KIRREL3: variants seen among roughly 807,000 people sequenced by gnomAD.
KIRREL3 encodes the protein kin of IRRE-like protein 3.
KIRREL3 carries 36 observed loss-of-function variants against 89.7 expected under a neutral mutation model. The observed-to-expected ratio is 0.40, with a 90% CI of 0.31 to 0.53. KIRREL3 has a LOEUF of 0.53. KIRREL3 is among the 20% of genes least tolerant of loss of function. KIRREL3 has a pLI of 0.49. For synonymous variants in KIRREL3, 445 were observed against 441.4 expected, an observed-to-expected ratio of 1.01 and a Z score of -0.10; for missense variants, 864 against 1,056.6, an observed-to-expected ratio of 0.82 and a Z score of 2.53.
chr11:126,712,559 C>A (rs1381745958), intron 1 of KIRREL3, among the ~76,000 whole-genome samples: 1 of 152,210 alleles, frequency 6.6e-6, no homozygotes, highest in Non-Finnish European at 1.5e-5. Context: ...GTCTATATTG[C>A]CACCTCATTC....
chr11:126,615,175 C>T lies in KIRREL3; in HGVS notation c.56-52263G>A, dbSNP rs1454904069. Among the ~76,000 whole-genome samples the T allele has an allele frequency of 2.0e-5, 3 of 152,060 alleles. No homozygotes were observed. The highest frequency in any genetic ancestry group is 2.9e-5 in the Non-Finnish European group (2 of 68,018). On this transcript the variant is annotated intron_variant, in intron 1 of 16. Coordinates refer to ENST00000525144, the MANE Select transcript of KIRREL3 (RefSeq NM_032531.4). The surrounding 1 kb of genome is among the most constrained non-coding windows in gnomAD (Gnocchi z 5.4). The stretch of plus-strand genomic sequence containing the variant: ...ATGTAGAGCTGTGCTTCATATTCCC[C>T]GTGCATACCTCTGCCTTAGCACCTG...
intron 1 of KIRREL3, among the ~76,000 whole-genome samples, chr11:126,840,690 C>T (rs1943936841): frequency 6.6e-6 from 1 of 152,214 alleles, no homozygotes; most frequent in Non-Finnish European, 1.5e-5. Flanking sequence ...CCATCCTGCT[C>T]AGACCTTGAA....
At chr11:126,960,314 G>A (rs1390197698) in intron 1 of KIRREL3, among the ~76,000 whole-genome samples, 1 of 152,150 alleles carries the variant, frequency 6.6e-6, no homozygotes, top group Non-Finnish European at 1.5e-5. Flanking sequence ...CATGGGATAG[G>A]ACAAACTCTG....
chr11:126,542,813 A>G (rs1029318593), intron 2 of KIRREL3, among the ~76,000 whole-genome samples: 4 of 152,234 alleles, frequency 2.6e-5, no homozygotes, highest in Admixed American at 2.6e-4. Flanking sequence ...TTTGCCAGGA[A>G]TGGGGACAAT....
At chr11:126,693,701 T>C (rs1210409812) in intron 1 of KIRREL3, among the ~76,000 whole-genome samples, 1 of 152,090 alleles carries the variant, frequency 6.6e-6, no homozygotes, top group East Asian at 1.9e-4. Context: ...CCACCAGTGA[T>C]AGCGTATGTA....
chr11:126,460,080 CA>C (rs1956493588), intron 6 of KIRREL3, among the ~76,000 whole-genome samples: 2 of 124,918 alleles, frequency 1.6e-5, no homozygotes. Context: ...ACTGAATGAA[CA>C]AATGAATAAA....
chr11:126,450,882 TGTGCATGTGCGTGTGTGCATG>T (rs1341622885), intron 7 of KIRREL3, among the ~76,000 whole-genome samples: 39 of 148,550 alleles, frequency 2.6e-4, no homozygotes, highest in African/African-American at 9.8e-4. Context: ...TGTGTGCATG[TGTGCATGTGCGTGTGTGCATG>T]TGCGTGTGTG....
At chr11:126,649,098 A>T (rs922006522) in intron 1 of KIRREL3, among the ~76,000 whole-genome samples, 1 of 152,216 alleles carries the variant, frequency 6.6e-6, no homozygotes, top group Non-Finnish European at 1.5e-5. Flanking sequence ...TGATATAACC[A>T]TCAGATCTTG....
intron 7 of KIRREL3, among the ~76,000 whole-genome samples, chr11:126,450,852 CATGTGCACGTGT>C (rs1956054948): frequency 1.5e-5 from 2 of 137,550 alleles, no homozygotes; most frequent in African/African-American, 2.8e-5. Flanking sequence ...GATGTGTGAG[CATGTGCACGTGT>C]GTGTGCATGT....
rs538467639 is a variant in KIRREL3, at chr11:126,443,608, G to T, written c.1252+1371C>A. 6.6e-6 allele frequency among the ~76,000 whole-genome samples: 1 copy of T among 152,100 alleles called. No homozygotes were observed. Among genetic ancestry groups the T allele is most frequent in the Admixed American group, 6.5e-5 (1 of 15,290 alleles). On this transcript the variant is annotated intron_variant, in intron 10 of 16. Transcript: ENST00000525144. This position sits in a 1 kb window ranked among gnomAD's most constrained non-coding sequence, Gnocchi z 7.3. Reference sequence around the variant, plus strand: ...GGGGGGAGAGGAATGGAAATGCGGGGCAGTGTGGGGGGAGCTGGTGAATGG... The same window carrying T: ...GGGGGGAGAGGAATGGAAATGCGGGTCAGTGTGGGGGGAGCTGGTGAATGG...
In KIRREL3 at chr11:126,989,080, T is replaced by C. The variant is rs1237163084; in HGVS notation, c.55+11375A>G. Among the ~76,000 whole-genome samples the C allele has an allele frequency of 6.6e-6, 1 of 152,140 alleles. No individual in the cohort carries two copies. Among genetic ancestry groups the C allele is most frequent in the Non-Finnish European group, 1.5e-5 (1 of 68,020 alleles). On this transcript the variant is annotated intron_variant, in intron 1 of 16. Coordinates refer to ENST00000525144, the MANE Select transcript of KIRREL3 (RefSeq NM_032531.4). This position sits in a 1 kb window ranked among gnomAD's most constrained non-coding sequence, Gnocchi z 6.2. The stretch of plus-strand genomic sequence containing the variant: ...CCTCGTTGGTATAACATCTTTTAAT[T>C]TGAGGAGGAGCTCAGTCCCCATTAT...
chr11:126,884,677 T>C (rs1945633648), intron 1 of KIRREL3, among the ~76,000 whole-genome samples: 1 of 151,940 alleles, frequency 6.6e-6, no homozygotes. Flanking sequence ...AGGAAACTAA[T>C]TAATCGATTC....
chr11:126,431,145 G>A lies in KIRREL3; in HGVS notation c.1696+274C>T. 1 of 1,435,978 alleles carries A rather than the reference G, an allele frequency of 7.0e-7. No homozygotes were observed. Among genetic ancestry groups the A allele is most frequent in the East Asian group, 2.5e-5 (1 of 39,870 alleles). The allele number at this position is 1,435,978 out of a possible 1,614,324, so 89.0% of individuals were successfully genotyped here. On this transcript the variant is annotated intron_variant, in intron 14 of 16. Coordinates refer to ENST00000525144, the MANE Select transcript of KIRREL3 (RefSeq NM_032531.4). The surrounding 1 kb of genome is among the most constrained non-coding windows in gnomAD (Gnocchi z 7.1). ...CTATCTTTCTGTACAGTTCCTGACT[G>A]AAAGAGCTATGTGTTCAATCCAAAA...
chr11:126,621,030 A>C (rs183961897), intron 1 of KIRREL3, among the ~76,000 whole-genome samples: 3 of 152,368 alleles, frequency 2.0e-5, no homozygotes, highest in East Asian at 1.9e-4. Context: ...AGCGAATGCA[A>C]AGGGCAAAGT....
At chr11:126,878,701 A>G (rs1435002204) in intron 1 of KIRREL3, among the ~76,000 whole-genome samples, 1 of 152,178 alleles carries the variant, frequency 6.6e-6, no homozygotes, top group Non-Finnish European at 1.5e-5. Flanking sequence ...CAGATGAAAA[A>G]TGGTGTAAGC....
rs1296379681 is a variant in KIRREL3 at position 126,492,278 on chromosome 11, G to A, written c.434-18812C>T. ...TTGTTGGAGACACAGCTGGGGAAGG[G>A]AGGTCAGGCCTCTTTTTCCCAAGCC... On this transcript the variant is annotated intron_variant, in intron 4 of 16. Transcript: ENST00000525144. This position sits in a 1 kb window ranked among gnomAD's most constrained non-coding sequence, Gnocchi z 4.8. Among the ~76,000 whole-genome samples the A allele has an allele frequency of 6.6e-6, 1 of 152,162 alleles. No individual in the cohort carries two copies. The highest frequency in any genetic ancestry group is 2.4e-5 in the African/African-American group (1 of 41,436).
intron 1 of KIRREL3, among the ~76,000 whole-genome samples, chr11:126,957,057 T>C (rs1262488318): frequency 6.6e-6 from 1 of 152,226 alleles, no homozygotes; most frequent in Non-Finnish European, 1.5e-5. Context: ...CCTGCTTCTA[T>C]GGTGTCTCCC....
At chr11:126,425,547 C>T in intron 16 of KIRREL3, 91 bp downstream of exon 16, 1 of 1,157,044 alleles carries the variant, frequency 8.6e-7, no homozygotes, top group Non-Finnish European at 1.3e-6. Flanking sequence ...CTCTGACTTG[C>T]TGTCATTTGT....
At chr11:126,758,687 G>A (rs959956708) in intron 1 of KIRREL3, among the ~76,000 whole-genome samples, 1 of 152,176 alleles carries the variant, frequency 6.6e-6, no homozygotes, top group African/African-American at 2.4e-5. Flanking sequence ...ATTATGACTG[G>A]AGACCTTGCA....
Sources: gnomAD v4.1 joint callset for allele counts (sites outside exome capture counted in the v4.1 genomes callset) on GRCh38, gnomAD v4.1.1 for gene constraint, Gnocchi (gnomAD v3.1) non-coding constraint, MANE v1.5 for transcripts, NCBI Gene and HGNC (gene_info 2026-07-23, HGNC 2026-07-21) for gene names.